Variants in STXBP4 observed in about 807,000 individuals in gnomAD.
STXBP4 encodes syntaxin binding protein 4.
A neutral mutation model predicts 76.1 loss-of-function variants in STXBP4; 55 were observed. The observed-to-expected ratio is 0.72, with a 90% CI of 0.58 to 0.91. STXBP4 has a LOEUF of 0.91. Ranked by LOEUF, STXBP4 falls within the 40% of genes least tolerant of loss-of-function variation. The pLI, the probability that STXBP4 is intolerant of heterozygous loss-of-function variation, is 0.00. For missense variants in STXBP4, 618 were observed against 636.9 expected (o/e 0.97, Z 0.32); for synonymous variants, 201 against 220.2 (o/e 0.91, Z 0.77).
At chr17:55,033,192 G>A (rs1199941274) in intron 9 of STXBP4, among the ~76,000 whole-genome samples, 1 of 151,978 alleles carries the variant, frequency 6.6e-6, no homozygotes, top group Non-Finnish European at 1.5e-5. Context: ...TGGCCAATAT[G>A]GTGAAACCCC....
the STXBP4 span, among the ~76,000 whole-genome samples, chr17:55,187,611 G>A: frequency 3.3e-5 from 5 of 152,262 alleles, no homozygotes; most frequent in South Asian, 4.1e-4. Flanking sequence ...TGCACTGAGC[G>A]CTGACAAAGC....
At chr17:55,066,690 A>G (rs1412487188) in intron 12 of STXBP4, among the ~76,000 whole-genome samples, 1 of 152,100 alleles carries the variant, frequency 6.6e-6, no homozygotes, top group African/African-American at 2.4e-5. Context: ...ATACTGTAAA[A>G]AAGATTTTTT....
At position 55,168,619 on chromosome 17, in the gene STXBP4, TG is replaced by T. The variant is rs1291828392; in HGVS notation, c.*8709del. 7 of 152,132 alleles carry T rather than the reference TG, an allele frequency of 4.6e-5. No individual in the cohort carries two copies. The highest frequency in any genetic ancestry group is 1.7e-4 in the African/African-American group (7 of 41,404). The allele number at this position is 152,132 out of a possible 1,614,324, so 9.4% of individuals were successfully genotyped here. On this transcript the variant is annotated 3_prime_UTR_variant, in exon 18 of 18. Transcript: ENST00000376352. ...TTTCAGCATAGATTTTTAAAAATCATGTGTGTAAAAGAGAATGAAATATTAA... is the reference window on the plus strand; with the variant it reads ...TTTCAGCATAGATTTTTAAAAATCATTGTGTAAAAGAGAATGAAATATTAA...
At chr17:55,006,056 T>C (rs1205673655) in intron 7 of STXBP4, among the ~76,000 whole-genome samples, 1 of 152,120 alleles carries the variant, frequency 6.6e-6, no homozygotes, top group Non-Finnish European at 1.5e-5. Context: ...ATATTATTTT[T>C]AATTTCATAG....
At chr17:55,195,498 G>A in the STXBP4 span, among the ~76,000 whole-genome samples, 4 of 152,100 alleles carry the variant, frequency 2.6e-5, no homozygotes, top group Admixed American at 1.3e-4. Flanking sequence ...CTAGACTAGA[G>A]TGCAGTGGTG....
At position 55,162,256 on chromosome 17, in the gene STXBP4, T is replaced by C. The variant is rs1174865452; in HGVS notation, c.*2345T>C. On this transcript the variant is annotated 3_prime_UTR_variant, in exon 18 of 18. Coordinates refer to ENST00000376352, the MANE Select transcript of STXBP4 (RefSeq NM_178509.6). ...ATGGTCAGGGCTTAGCAAGAATCCT[T>C]TTCCAGTGCAAATACGACCCTCATA... The C allele has an allele frequency of 6.6e-6, 1 of 152,226 alleles. No individual in the cohort carries two copies. The highest frequency in any genetic ancestry group is 1.5e-5 in the Non-Finnish European group (1 of 68,048). 9.4% of individuals were successfully genotyped at this position (152,226 alleles called of 1,614,324 possible).
intron 16 of STXBP4, among the ~76,000 whole-genome samples, chr17:55,101,270 T>G (rs543384040): frequency 1.3e-5 from 2 of 152,162 alleles, no homozygotes; most frequent in Non-Finnish European, 2.9e-5. Flanking sequence ...AATTACATTC[T>G]TAGGGCTTTT....
intron 12 of STXBP4, among the ~76,000 whole-genome samples, chr17:55,064,559 ATC>A (rs2079026715): frequency 6.6e-6 from 1 of 152,140 alleles, no homozygotes; most frequent in Non-Finnish European, 1.5e-5. Flanking sequence ...CAGTGGCACA[ATC>A]TCGGCTACTG....
In STXBP4 at chr17:55,090,779, G is replaced by T. The variant is rs188383719; in HGVS notation, c.1489+9596G>T. 3.0e-3 allele frequency among the ~76,000 whole-genome samples: 457 copies of T among 151,956 alleles called. 3 individuals are homozygous for T. Among genetic ancestry groups the T allele is most frequent in the African/African-American group, 0.01 (416 of 41,416 alleles). ...GACTTCAGGATCAAGATAGAAGAGG[G>T]ATCTCATGCTAAAACCTTCCCATTC... On this transcript the variant is annotated intron_variant, in intron 16 of 17. Coordinates refer to ENST00000376352, the MANE Select transcript of STXBP4 (RefSeq NM_178509.6).
At chr17:55,190,012 G>T in the STXBP4 span, among the ~76,000 whole-genome samples, 3 of 152,204 alleles carry the variant, frequency 2.0e-5, no homozygotes, top group South Asian at 6.2e-4. Flanking sequence ...TAGGCCACTG[G>T]AGAAAAGAAT....
At chr17:54,984,347 T>C (rs538301095) in intron 1 of STXBP4, among the ~76,000 whole-genome samples, 1 of 129,490 alleles carries the variant, frequency 7.7e-6, no homozygotes, top group African/African-American at 3.7e-5. Context: ...TTCTTTTTTT[T>C]TTTTTTTTTT....
chr17:54,970,827 T>C (rs1365146493), intron 1 of STXBP4, among the ~76,000 whole-genome samples: 1 of 152,206 alleles, frequency 6.6e-6, no homozygotes, highest in Non-Finnish European at 1.5e-5. Flanking sequence ...AATTGCAAAA[T>C]GAAACTCTTA....
At chr17:55,080,923 A>G (rs1305824909) in intron 15 of STXBP4, 127 bp from the exon 16 acceptor site, 4 of 906,428 alleles carry the variant, frequency 4.4e-6, no homozygotes, top group Admixed American at 4.0e-5. Flanking sequence ...TTTTGGTTAT[A>G]TGAAATAATT....
In STXBP4 at chr17:55,073,703, A is replaced by G. The variant is rs1206860609; in HGVS notation, c.1188+627A>G. Among the ~76,000 whole-genome samples, 4 of 152,164 alleles carry G rather than the reference A, an allele frequency of 2.6e-5. No individual in the cohort carries two copies. The East Asian group carries it at 7.7e-4, about 29-fold the overall frequency. ...GAGTGCAATGGCATGATCTCAGCTC[A>G]CTGCAACCTCCGCCTCCCAGGTTCA... is the stretch of plus-strand genomic sequence containing the variant. On this transcript the variant is annotated intron_variant, in intron 13 of 17. Coordinates refer to ENST00000376352, the MANE Select transcript of STXBP4 (RefSeq NM_178509.6).
intron 7 of STXBP4, among the ~76,000 whole-genome samples, 169 bp downstream of exon 7, chr17:55,001,052 C>A (rs191899800): frequency 3.7e-4 from 56 of 152,232 alleles, no homozygotes; most frequent in Non-Finnish European, 4.1e-4. Context: ...TAAAGTATGA[C>A]TTTTATTAGA....
intron 16 of STXBP4, among the ~76,000 whole-genome samples, chr17:55,105,641 T>C (rs1236601107): frequency 6.6e-6 from 1 of 151,268 alleles, no homozygotes; most frequent in Non-Finnish European, 1.5e-5. Context: ...AGCTAATATT[T>C]TTTTTTTTTT....
chr17:55,050,961 C>A (rs558722649), intron 12 of STXBP4, among the ~76,000 whole-genome samples: 3 of 152,100 alleles, frequency 2.0e-5, no homozygotes, highest in African/African-American at 7.2e-5. Context: ...GCCACTGCAC[C>A]GGGCCTGAAA....
intron 16 of STXBP4, among the ~76,000 whole-genome samples, chr17:55,086,466 G>A (rs1328202440): frequency 1.3e-5 from 2 of 152,182 alleles, no homozygotes; most frequent in East Asian, 3.9e-4. Context: ...TACTCATCCT[G>A]CACTAGTATA....
At chr17:54,972,758 A>T (rs1015024966) in intron 1 of STXBP4, among the ~76,000 whole-genome samples, 4 of 152,158 alleles carry the variant, frequency 2.6e-5, no homozygotes, top group African/African-American at 9.7e-5. Context: ...CTCAGCAGAG[A>T]CCCTAGAAAA....
Sources: allele counts gnomAD v4.1 joint callset (sites outside exome capture counted in the v4.1 genomes callset), GRCh38; gene constraint gnomAD v4.1.1; transcripts MANE v1.5; gene names NCBI Gene and HGNC (gene_info 2026-07-23, HGNC 2026-07-21).